The following CCDC187 variants were observed in gnomAD, a reference collection of about 807,000 sequenced individuals.
CCDC187 encodes coiled-coil domain-containing protein 187.
Under a neutral mutation model 38.0 loss-of-function variants are expected in CCDC187, and 32 were observed. The observed-to-expected ratio is 0.84, with a 90% CI of 0.64 to 1.13. The LOEUF (loss-of-function observed/expected upper bound fraction) is 1.13, where lower values mean the gene tolerates loss of function less well. CCDC187 is among the 50% of genes most tolerant of loss of function. The probability of loss-of-function intolerance (pLI) is 0.00; values close to 1 mark genes in which losing one functional copy is unlikely to be tolerated. For synonymous variants in CCDC187, 333 were observed against 347.9 expected (o/e 0.96, Z 0.48); for missense variants, 707 against 786.8 (o/e 0.90, Z 1.21).
chr9:136,263,294 GCA>G (rs1387098984), intron 18 of CCDC187, among the ~76,000 whole-genome samples: 1 of 149,922 alleles, frequency 6.7e-6, no homozygotes, highest in Admixed American at 6.7e-5. Flanking sequence ...GAGTGCAGTG[GCA>G]TATCTCGGCT....
At chr9:136,304,623 G>A (rs1831769898), upstream of CCDC187, among the ~76,000 whole-genome samples, 1 of 151,950 alleles carries the variant, frequency 6.6e-6, no homozygotes, top group South Asian at 2.1e-4. Flanking sequence ...GGGAGGACAT[G>A]GCTCTGCAGT....
chr9:136,279,928 C>T (rs897263247), intron 10 of CCDC187, among the ~76,000 whole-genome samples: 1,962 of 152,338 alleles, frequency 0.013, 29 homozygotes, highest in Non-Finnish European at 0.016. Context: ...CTCTCCTTCT[C>T]GCCCTCCTGC....
intron 7 of CCDC187, among the ~76,000 whole-genome samples, chr9:136,288,414 G>A (rs1287289748): frequency 6.6e-6 from 1 of 152,176 alleles, no homozygotes; most frequent in Admixed American, 6.5e-5. Flanking sequence ...CCAAAGATAC[G>A]CCAGGGGCAG....
In CCDC187 at chr9:136,252,158, GCCGC is replaced by G; in HGVS notation, c.*1432_*1435del. 1 of 53,542 alleles carries G rather than the reference GCCGC, an allele frequency of 1.9e-5. No homozygotes were observed. Among genetic ancestry groups the G allele is most frequent in the Non-Finnish European group, 5.9e-5 (1 of 16,868 alleles). The allele number at this position is 53,542 out of a possible 1,614,324, so 3.3% of individuals were successfully genotyped here. Reference sequence around the variant, plus strand: ...ACCCTGTCCACCAGGGGAAGAGCCGGCCGCCCACCCGGTCCACCCCGGGAAGAGC... The same window carrying G: ...ACCCTGTCCACCAGGGGAAGAGCCGGCCACCCGGTCCACCCCGGGAAGAGC... On this transcript the variant is annotated 3_prime_UTR_variant, in exon 26 of 26. Transcript: ENST00000638797.
At chr9:136,297,430 C>A (rs1040811988) in intron 4 of CCDC187, among the ~76,000 whole-genome samples, 10 of 152,122 alleles carry the variant, frequency 6.6e-5, no homozygotes, top group African/African-American at 2.2e-4. Flanking sequence ...GACAATAGTG[C>A]CTGGTGTTTG....
At chr9:136,256,399 C>T in intron 23 of CCDC187, 76 bp from the exon 24 acceptor site, 1 of 722,952 alleles carries the variant, frequency 1.4e-6, no homozygotes, top group Non-Finnish European at 1.7e-6. Context: ...CTGGATGGAG[C>T]CCCTGTGCTT....
chr9:136,277,446 T>G (rs1178431792), intron 10 of CCDC187, among the ~76,000 whole-genome samples: 1 of 50,466 alleles, frequency 2.0e-5, no homozygotes, highest in Non-Finnish European at 3.9e-5. Flanking sequence ...TGGGTGCAGA[T>G]GGGGTGGGCG....
Position 136,258,457 on chromosome 9 carries a change from G to T in CCDC187, c.4366+475C>A, listed in dbSNP as rs969592719. 3.9e-5 allele frequency among the ~76,000 whole-genome samples: 6 copies of T among 152,012 alleles called. No individual in the cohort carries two copies. The highest frequency in any genetic ancestry group is 1.4e-4 in the African/African-American group (6 of 41,382). On this transcript the variant is annotated intron_variant, in intron 22 of 25. Coordinates refer to ENST00000638797, the MANE Select transcript of CCDC187 (RefSeq NM_001378188.1). The surrounding 1 kb of genome is among the most constrained non-coding windows in gnomAD (Gnocchi z 4.3). ...CACAACCCCCCACTCTTCAGCCGGC[G>T]GCTACCAGACGCACCACCAGGGTTC...
At chr9:136,295,442 G>A (rs1426477977) in intron 4 of CCDC187, among the ~76,000 whole-genome samples, 1 of 152,196 alleles carries the variant, frequency 6.6e-6, no homozygotes, top group Non-Finnish European at 1.5e-5. Flanking sequence ...CTGTGGAAAT[G>A]GATGAAGTCC....
In CCDC187 at chr9:136,267,488, C is replaced by G; in HGVS notation, c.3543G>C (p.Glu1181Asp). The change falls in exon 16 of 26, where the codon GAG (glutamate) becomes GAC (aspartate). Residue 1181 changes from glutamate to aspartate, a missense_variant. Transcript: ENST00000638797. ...CCTGGTGCTGTGCTCGCAGCTCCTC[C>G]TCCCGCAGGCTCCGCTCCAGCATCT... ...THQMLERSLR[E>D]EELRAQHQAA... 1.0e-6 allele frequency: 1 copy of G among 985,700 alleles called. No individual in the cohort carries two copies. The highest frequency in any genetic ancestry group is 1.2e-6 in the Non-Finnish European group (1 of 830,106). The allele number at this position is 985,700 out of a possible 1,614,324, so 61.1% of individuals were successfully genotyped here.
At chr9:136,300,033 G>A (rs1225967908) in intron 3 of CCDC187, among the ~76,000 whole-genome samples, 187 bp downstream of exon 3, 1 of 152,260 alleles carries the variant, frequency 6.6e-6, no homozygotes, top group East Asian at 1.9e-4. Context: ...TGGAGAGGCA[G>A]AGGGTTAGAA....
Position 136,264,209 on chromosome 9 carries a change from G to C in CCDC187, c.3736-411C>G, listed in dbSNP as rs782121975. 1 of 152,422 alleles carries C rather than the reference G, an allele frequency of 6.6e-6. No homozygotes were observed. The highest frequency in any genetic ancestry group is 1.5e-5 in the Non-Finnish European group (1 of 68,198). The allele number at this position is 152,422 out of a possible 1,614,324, so 9.4% of individuals were successfully genotyped here. On this transcript the variant is annotated intron_variant, in intron 17 of 25. Coordinates refer to ENST00000638797, the MANE Select transcript of CCDC187 (RefSeq NM_001378188.1). The surrounding 1 kb of genome is among the most constrained non-coding windows in gnomAD (Gnocchi z 4.3). ...ACAACCTTGCACAGAGCCCAGGGCC[G>C]GGCCGGGCCGTTGCACACTCGCCCT...
At chr9:136,299,857 T>C (rs948836391) in intron 3 of CCDC187, among the ~76,000 whole-genome samples, 43,633 of 152,058 alleles carry the variant, frequency 0.29, 7,204 homozygotes, top group East Asian at 0.51. Flanking sequence ...GGCAGGGACC[T>C]GGAGGGCCCC....
Position 136,250,177 on chromosome 9 carries a change from C to T in CCDC187, c.*3417G>A, listed in dbSNP as rs555440801. The T allele has an allele frequency of 4.9e-4, 77 of 158,712 alleles. No individual in the cohort carries two copies. The highest frequency in any genetic ancestry group is 3.7e-3 in the South Asian group (21 of 5,662). The allele number at this position is 158,712 out of a possible 1,614,324, so 9.8% of individuals were successfully genotyped here. On this transcript the variant is annotated 3_prime_UTR_variant, in exon 26 of 26. Transcript: ENST00000638797. ...ACCTCTGCTGAAGCGGCTTTTTCTC[C>T]GGTGCTCAGAGTAACCTGACGGCTC...
chr9:136,299,964 C>A (rs977641483), intron 3 of CCDC187, among the ~76,000 whole-genome samples: 46 of 152,234 alleles, frequency 3.0e-4, no homozygotes, highest in Admixed American at 1.8e-3. Context: ...ACAACAACAA[C>A]AAAAAATGCC....
intron 14 of CCDC187, among the ~76,000 whole-genome samples, chr9:136,269,286 C>G (rs1830801044): frequency 6.6e-6 from 1 of 152,206 alleles, no homozygotes. Context: ...ATCGACCTAA[C>G]ACACTATTAA....
chr9:136,303,525 T>C (rs1831741225), intron 1 of CCDC187, among the ~76,000 whole-genome samples, 163 bp downstream of exon 1: 2 of 152,312 alleles, frequency 1.3e-5, no homozygotes, highest in African/African-American at 4.8e-5. Flanking sequence ...ATGGAGAAAC[T>C]GAGTCTCAGA....
intron 4 of CCDC187, among the ~76,000 whole-genome samples, chr9:136,297,155 C>T (rs1232901098): frequency 3.3e-5 from 5 of 152,102 alleles, no homozygotes; most frequent in African/African-American, 1.2e-4. Context: ...GTGGCGTGAG[C>T]TGCAGGTGGC....
chr9:136,271,074 C>A (rs973874498), intron 14 of CCDC187, among the ~76,000 whole-genome samples: 3 of 152,122 alleles, frequency 2.0e-5, no homozygotes, highest in Non-Finnish European at 4.4e-5. Context: ...GCCTCGGCAC[C>A]TGGGTAATCT....
Sources: gnomAD v4.1 joint callset for allele counts (sites outside exome capture counted in the v4.1 genomes callset) on GRCh38, gnomAD v4.1.1 for gene constraint, Gnocchi (gnomAD v3.1) non-coding constraint, MANE v1.5 for transcripts, NCBI Gene and HGNC (gene_info 2026-07-23, HGNC 2026-07-21) for gene names.